RNF144A: variants seen among roughly 807,000 people sequenced by gnomAD.
RNF144A encodes ring finger protein 144A.
In RNF144A, 11 loss-of-function variants were observed where a neutral mutation model predicts 38.7. The ratio of observed to expected loss-of-function variants is 0.28; its 90% confidence interval spans 0.18 to 0.47. The LOEUF is 0.47. RNF144A is among the 20% of genes least tolerant of loss of function. The pLI is 0.99. For missense variants in RNF144A, 316 were observed against 377.2 expected, an observed-to-expected ratio of 0.84 and a Z score of 1.34; for synonymous variants, 149 against 143.9, an observed-to-expected ratio of 1.04 and a Z score of -0.25.
chr2:6,984,468 T>C (rs575019832), intron 2 of RNF144A, among the ~76,000 whole-genome samples: 14 of 152,110 alleles, frequency 9.2e-5, no homozygotes, highest in African/African-American at 3.4e-4. Context: ...ACATCCGCGC[T>C]AATTTTTGTA....
intron 3 of RNF144A, among the ~76,000 whole-genome samples, chr2:7,014,025 A>G (rs909658983): frequency 1.3e-5 from 2 of 152,252 alleles, no homozygotes; most frequent in African/African-American, 2.4e-5. Context: ...TGAAAAATGG[A>G]ACAGTCATAC....
the RNF144A span, among the ~76,000 whole-genome samples, chr2:7,074,890 G>A: frequency 6.6e-6 from 1 of 152,202 alleles, no homozygotes; most frequent in South Asian, 2.1e-4. Context: ...AACGAGATGG[G>A]ATTGAGTGAT....
Position 7,038,225 on chromosome 2 carries a change from C to G in RNF144A, c.748-1404C>G, listed in dbSNP as rs538719279. Among the ~76,000 whole-genome samples, 3 of 152,312 alleles carry G rather than the reference C, an allele frequency of 2.0e-5. No homozygotes were observed. In the East Asian group the frequency reaches 5.8e-4, roughly 29 times the overall value. On this transcript the variant is annotated intron_variant, in intron 8 of 8. Transcript: ENST00000320892. ...ACCATGCCTGTGTCTTTTCTGTTTT[C>G]TCGTCGGAAATGCACTATTCCAGTC...
chr2:7,047,795 T>C (rs1673368486), downstream of RNF144A, among the ~76,000 whole-genome samples: 1 of 152,228 alleles, frequency 6.6e-6, no homozygotes. Flanking sequence ...TGCTCACTGC[T>C]TTCCATGGGT....
intron 3 of RNF144A, among the ~76,000 whole-genome samples, chr2:7,010,632 C>G (rs1030262053): frequency 3.3e-5 from 5 of 152,192 alleles, no homozygotes; most frequent in African/African-American, 1.2e-4. Context: ...GTCTCGTCAT[C>G]AGGTTTCAAA....
intron 6 of RNF144A, among the ~76,000 whole-genome samples, chr2:7,067,484 A>G (rs1446720659): frequency 6.6e-6 from 1 of 152,126 alleles, no homozygotes; most frequent in East Asian, 1.9e-4. Flanking sequence ...CAGTGTTTAG[A>G]AATCTTTTTG....
At chr2:7,004,587 G>A (rs1489562095) in intron 3 of RNF144A, among the ~76,000 whole-genome samples, 1 of 152,222 alleles carries the variant, frequency 6.6e-6, no homozygotes, top group Non-Finnish European at 1.5e-5. Flanking sequence ...ATCCTGTACA[G>A]GAAGCGCCTT....
At chr2:6,953,667 T>C (rs1666825020) in intron 2 of RNF144A, among the ~76,000 whole-genome samples, 1 of 152,226 alleles carries the variant, frequency 6.6e-6, no homozygotes, top group Admixed American at 6.5e-5. Context: ...TATGTCCCAG[T>C]ATAATGTCAG....
intron 1 of RNF144A, among the ~76,000 whole-genome samples, chr2:6,923,225 C>T (rs13018691): frequency 0.28 from 43,195 of 152,076 alleles, 6,856 homozygotes; most frequent in South Asian, 0.41. Context: ...CAGAAATACT[C>T]AGATGTCTGC....
chr2:7,037,618 T>C lies in RNF144A; in HGVS notation c.748-2011T>C, dbSNP rs1032308329. Among the ~76,000 whole-genome samples, 11 of 152,270 alleles carry C rather than the reference T, an allele frequency of 7.2e-5. 1 individual carries two copies. The highest frequency in any genetic ancestry group is 3.2e-3 in the Middle Eastern group (1 of 316). On this transcript the variant is annotated intron_variant, in intron 8 of 8. Transcript: ENST00000320892. ...GATTCCCAGCATTAGCACAATCCAA[T>C]GTATAAATGCAATGTGGCATAATTT...
At chr2:7,065,172 T>A (rs1674154447) in intron 6 of RNF144A, among the ~76,000 whole-genome samples, 1 of 152,264 alleles carries the variant, frequency 6.6e-6, no homozygotes, top group Non-Finnish European at 1.5e-5. Flanking sequence ...GGTACAATTA[T>A]TCTTCTTAAA....
chr2:6,968,693 GT>G (rs5829092), intron 2 of RNF144A, among the ~76,000 whole-genome samples: 41 of 149,934 alleles, frequency 2.7e-4, no homozygotes, highest in Middle Eastern at 3.5e-3. Context: ...CTGTCAATGT[GT>G]TTTTTTTTTT....
At chr2:6,986,112 T>C (rs1315563213) in intron 2 of RNF144A, among the ~76,000 whole-genome samples, 4 of 152,254 alleles carry the variant, frequency 2.6e-5, no homozygotes, top group East Asian at 3.9e-4. Flanking sequence ...AGAGAAAGGA[T>C]GGCTTAGAGG....
intron 8 of RNF144A, among the ~76,000 whole-genome samples, chr2:7,034,969 G>T (rs1672570910): frequency 6.6e-6 from 1 of 152,194 alleles, no homozygotes; most frequent in African/African-American, 2.4e-5. Context: ...AGCCAGAGAA[G>T]GTTTTAGAGC....
chr2:6,950,817 A>G (rs1666628991), intron 2 of RNF144A, among the ~76,000 whole-genome samples: 1 of 152,156 alleles, frequency 6.6e-6, no homozygotes, highest in Admixed American at 6.5e-5. Context: ...TGTTTTGTCC[A>G]CTGTAAAATG....
At chr2:6,971,071 T>C (rs1667975107) in intron 2 of RNF144A, among the ~76,000 whole-genome samples, 1 of 152,260 alleles carries the variant, frequency 6.6e-6, no homozygotes, top group Non-Finnish European at 1.5e-5. Context: ...GTAAAATAAC[T>C]GGCAAGTATA....
chr2:6,939,367 G>C (rs188648971), intron 1 of RNF144A, among the ~76,000 whole-genome samples: 1 of 152,236 alleles, frequency 6.6e-6, no homozygotes, highest in African/African-American at 2.4e-5. Context: ...GTGCTTATTG[G>C]CTATTTGAAT....
intron 1 of RNF144A, among the ~76,000 whole-genome samples, chr2:6,922,770 G>A (rs1189867979): frequency 1.3e-5 from 2 of 151,940 alleles, no homozygotes; most frequent in Non-Finnish European, 2.9e-5. Context: ...GACTACAGGC[G>A]CCCGCCGCCA....
At chr2:7,004,585 C>T (rs927571237) in intron 3 of RNF144A, among the ~76,000 whole-genome samples, 4 of 152,244 alleles carry the variant, frequency 2.6e-5, no homozygotes, top group Admixed American at 6.5e-5. Flanking sequence ...TTATCCTGTA[C>T]AGGAAGCGCC....
Sources: gnomAD v4.1 joint callset for allele counts (sites outside exome capture counted in the v4.1 genomes callset) on GRCh38, gnomAD v4.1.1 for gene constraint, MANE v1.5 for transcripts, NCBI Gene and HGNC (gene_info 2026-07-23, HGNC 2026-07-21) for gene names.